The following RET variants were observed in gnomAD, a reference collection of about 807,000 sequenced individuals.
The protein encoded by RET is proto-oncogene tyrosine-protein kinase receptor Ret.
In RET, 19 loss-of-function variants were observed where a neutral mutation model predicts 118.3. The observed-to-expected ratio is 0.16, with a 90% confidence interval of 0.11 to 0.24. The LOEUF (loss-of-function observed/expected upper bound fraction) is 0.24. RET is among the 10% of genes least tolerant of loss of function. RET has a pLI of 1.00. For synonymous variants in RET, 597 were observed against 644.1 expected (o/e 0.93, Z 1.11); for missense variants, 1,219 against 1,502.1 (o/e 0.81, Z 3.12).
chr10:43,089,762 G>A (rs1837372572), intron 1 of RET, among the ~76,000 whole-genome samples: 1 of 152,242 alleles, frequency 6.6e-6, no homozygotes, highest in South Asian at 2.1e-4. Flanking sequence ...CCCTCCTCTG[G>A]CTCATAGGCA....
chr10:43,122,447 T>G (rs1838239444), intron 16 of RET, among the ~76,000 whole-genome samples: 1 of 152,212 alleles, frequency 6.6e-6, no homozygotes, highest in African/African-American at 2.4e-5. Context: ...CACCTGAAGA[T>G]GGCCTTGTGT....
At chr10:43,088,031 G>C (rs1837326439) in intron 1 of RET, among the ~76,000 whole-genome samples, 1 of 152,084 alleles carries the variant, frequency 6.6e-6, no homozygotes. Flanking sequence ...TCATGATAGT[G>C]AGTGGTGGTT....
chr10:43,106,616 G>T lies in RET; in HGVS notation c.1063+45G>T. On this transcript the variant is annotated intron_variant, in intron 5 of 19. Coordinates refer to ENST00000355710, the MANE Select transcript of RET (RefSeq NM_020975.6). This position sits in a 1 kb window ranked among gnomAD's most constrained non-coding sequence, Gnocchi z 5.1. ...CGGCCTGGCTAGGCCCCCAGGAAAT[G>T]AGGTGCTCGCTCTTCATGGGCAAGC... 6.3e-7 allele frequency: 1 copy of T among 1,592,078 alleles called. No individual in the cohort carries two copies. Among genetic ancestry groups the T allele is most frequent in the Non-Finnish European group, 8.6e-7 (1 of 1,165,796 alleles).
At chr10:43,126,483 A>C in intron 18 of RET, 92 bp from the exon 19 acceptor site, 1 of 1,155,330 alleles carries the variant, frequency 8.7e-7, no homozygotes, top group Non-Finnish European at 1.3e-6. Flanking sequence ...AGACACAGCC[A>C]GAGCCTCTGC....
chr10:43,113,564 A>G lies in RET; in HGVS notation c.1768A>G (p.Ile590Val), dbSNP rs1307072968. The change falls in exon 10 of 20, where the codon ATT (isoleucine) becomes GTT (valine). Residue 590 changes from isoleucine (I) to valine (V), a missense_variant. Transcript: ENST00000355710. ...GCTACGTCTGCCCTCAGGGGGCAGCATTGTTGGGGGACACGAGCCTGGGGA... is the reference window on the plus strand; with the variant it reads ...GCTACGTCTGCCCTCAGGGGGCAGCGTTGTTGGGGGACACGAGCCTGGGGA... ...ICPQDCLRGS[I>V]VGGHEPGEPR... is the part of the protein sequence containing the mutation. 1.9e-6 allele frequency: 3 copies of G among 1,608,208 alleles called. No individual in the cohort carries two copies. Among genetic ancestry groups the G allele is most frequent in the Non-Finnish European group, 2.5e-6 (3 of 1,178,258 alleles).
At position 43,077,248 on chromosome 10, in the gene RET, G is replaced by T; in HGVS notation, c.-11G>T. On this transcript the variant is annotated 5_prime_UTR_variant, in exon 1 of 20. Transcript: ENST00000355710. Reference sequence around the variant, plus strand: ...CAGTCCCTCCAGCCGTGGCCCCAGCGCGCACGGGCGATGGCGAAGGCGACG... The same window carrying T: ...CAGTCCCTCCAGCCGTGGCCCCAGCTCGCACGGGCGATGGCGAAGGCGACG... 1 of 1,498,584 alleles carries T rather than the reference G, an allele frequency of 6.7e-7. No individual in the cohort carries two copies. The highest frequency in any genetic ancestry group is 8.9e-7 in the Non-Finnish European group (1 of 1,129,276). 92.8% of individuals were successfully genotyped at this position (1,498,584 alleles called of 1,614,324 possible).
In RET at chr10:43,100,433, C is replaced by T. The variant is rs777351821; in HGVS notation, c.74-26C>T. ...TGAAGAAGCCTTATTCTCACCATCC[C>T]TCACTCACTTCCCTACTTCCCACAG... is the stretch of plus-strand genomic sequence containing the variant. On this transcript the variant is annotated intron_variant, in intron 1 of 19. Transcript: ENST00000355710. The T allele has an allele frequency of 2.5e-6, 4 of 1,612,786 alleles. No homozygotes were observed. In the Admixed American group the frequency reaches 6.7e-5, roughly 27 times the overall value.
intron 1 of RET, among the ~76,000 whole-genome samples, chr10:43,087,272 G>C (rs1198315833): frequency 6.6e-6 from 1 of 152,212 alleles, no homozygotes; most frequent in East Asian, 1.9e-4. Flanking sequence ...ACCCTGCCTG[G>C]CTGGAGGTCC....
Position 43,111,296 on chromosome 10 carries a change from G to T in RET, c.1353G>T (p.Thr451=), listed in dbSNP as rs201568301. 22 of 1,614,166 alleles carry T rather than the reference G, an allele frequency of 1.4e-5. No homozygotes were observed. In the East Asian group the frequency reaches 4.0e-4, roughly 29 times the overall value. Residue 451 remains threonine, a synonymous_variant, in exon 7 of 20, where the codon ACG becomes ACT. Coordinates refer to ENST00000355710, the MANE Select transcript of RET (RefSeq NM_020975.6). ...ATTCCTCTGGTGCCAACTGCAGCACGCTAGGGGTGGTCACCTCAGCCGAGG... is the reference window on the plus strand; with the variant it reads ...ATTCCTCTGGTGCCAACTGCAGCACTCTAGGGGTGGTCACCTCAGCCGAGG... ...KLHSSGANCS[T]LGVVTSAEDT...
chr10:43,119,389 G>A (rs1251399200), intron 13 of RET, 142 bp from the exon 14 acceptor site: 1 of 663,360 alleles, frequency 1.5e-6, no homozygotes, highest in Admixed American at 2.4e-5. Context: ...AGCTGCAGCA[G>A]TGCTGCCTGA....
chr10:43,115,086 G>A (rs1050341146), intron 11 of RET, among the ~76,000 whole-genome samples: 3 of 152,136 alleles, frequency 2.0e-5, no homozygotes, highest in Non-Finnish European at 4.4e-5. Flanking sequence ...AGGCTGTGCC[G>A]AGTATCCTGG....
intron 15 of RET, among the ~76,000 whole-genome samples, chr10:43,121,346 G>A (rs1329934744): frequency 1.3e-5 from 2 of 152,150 alleles, no homozygotes; most frequent in Non-Finnish European, 2.9e-5. Context: ...GCACCTTCAG[G>A]CTTGTCTGTG....
At chr10:43,089,879 G>A (rs552574848) in intron 1 of RET, among the ~76,000 whole-genome samples, 1 of 152,368 alleles carries the variant, frequency 6.6e-6, no homozygotes, top group East Asian at 1.9e-4. Context: ...GAGAGTTAAG[G>A]GAGGCAAAGG....
intron 16 of RET, among the ~76,000 whole-genome samples, chr10:43,122,603 C>T (rs1029147709): frequency 6.6e-6 from 1 of 151,864 alleles, no homozygotes; most frequent in Admixed American, 6.6e-5. Context: ...GTGTGATGTG[C>T]CTCTCTTTTT....
rs1348246688 is a variant in RET at position 43,112,860 on chromosome 10, C to A, written c.1656C>A (p.Thr552=). Residue 552 remains threonine, a synonymous_variant, in exon 9 of 20, where the codon ACC becomes ACA. Coordinates refer to ENST00000355710, the MANE Select transcript of RET (RefSeq NM_020975.6). Reference sequence around the variant, plus strand: ...GCTGTGTGTCCTGTGCAGGGATCACCAGGAACTTCTCCACCTGCTCTCCCA... The same window carrying A: ...GCTGTGTGTCCTGTGCAGGGATCACAAGGAACTTCTCCACCTGCTCTCCCA... ...EWRQGDGKGI[T]RNFSTCSPST... is the part of the protein sequence containing the mutation. 1 of 1,613,868 alleles carries A rather than the reference C, an allele frequency of 6.2e-7. No homozygotes were observed. Among genetic ancestry groups the A allele is most frequent in the East Asian group, 2.2e-5 (1 of 44,882 alleles).
intron 1 of RET, among the ~76,000 whole-genome samples, chr10:43,090,011 A>C (rs891042479): frequency 6.6e-6 from 1 of 152,232 alleles, no homozygotes; most frequent in African/African-American, 2.4e-5. Context: ...GCCCTGGGCC[A>C]GGCTGAGCGA....
In RET at chr10:43,130,270, A is replaced by T. The variant is rs1838417992; in HGVS notation, c.*2001A>T. 2.7e-6 allele frequency: 1 copy of T among 367,940 alleles called. No individual in the cohort carries two copies. Among genetic ancestry groups the T allele is most frequent in the Non-Finnish European group, 4.8e-6 (1 of 207,700 alleles). The allele number at this position is 367,940 out of a possible 1,614,324, so 22.8% of individuals were successfully genotyped here. ...TTGTAAAATCTATTTATGAAAGGTC[A>T]TTAAACCAGATCATGTTCCTTTTTT... On this transcript the variant is annotated 3_prime_UTR_variant, in exon 20 of 20. Coordinates refer to ENST00000355710, the MANE Select transcript of RET (RefSeq NM_020975.6).
chr10:43,086,376 C>T (rs1267952075), intron 1 of RET, among the ~76,000 whole-genome samples: 40 of 152,184 alleles, frequency 2.6e-4, no homozygotes, highest in Non-Finnish European at 1.5e-5. Context: ...TGGGCAAGAC[C>T]ATCTCAGCTT....
At chr10:43,107,539 G>C (rs1476189606) in intron 5 of RET, among the ~76,000 whole-genome samples, 2 of 145,624 alleles carry the variant, frequency 1.4e-5, no homozygotes, top group African/African-American at 5.1e-5. Flanking sequence ...TGGTAATGTA[G>C]ACCTTTAACC....
Sources: allele counts gnomAD v4.1 joint callset (sites outside exome capture counted in the v4.1 genomes callset), GRCh38; gene constraint gnomAD v4.1.1; non-coding constraint Gnocchi (gnomAD v3.1); transcripts MANE v1.5; gene names NCBI Gene and HGNC (gene_info 2026-07-23, HGNC 2026-07-21).